The following FBN2 variants were observed in gnomAD, a reference collection of about 807,000 sequenced individuals.
FBN2 encodes fibrillin 2, also known as fibrillin-2.
A neutral mutation model predicts 355.6 loss-of-function variants in FBN2; 105 were observed. That is an observed-to-expected ratio of 0.30 (90% confidence interval 0.25 to 0.35). The LOEUF is 0.35. Among genes scored for constraint, FBN2 ranks in the 10% least tolerant of loss-of-function variants. FBN2 has a pLI of 1.00. For missense variants in FBN2, 3,280 were observed against 3,758.7 expected (o/e 0.87, Z 3.33); for synonymous variants, 1,350 against 1,301.2 (o/e 1.04, Z -0.81).
intron 5 of FBN2, among the ~76,000 whole-genome samples, chr5:128,480,635 G>A (rs1048134356): frequency 2.6e-5 from 4 of 152,092 alleles, no homozygotes; most frequent in Admixed American, 6.5e-5. Flanking sequence ...GCTTGAACCC[G>A]GGAGGCAGAG....
chr5:128,315,414 T>C (rs1750175321), intron 36 of FBN2, among the ~76,000 whole-genome samples: 1 of 152,178 alleles, frequency 6.6e-6, no homozygotes. Context: ...CAAACACATC[T>C]CTAATAGGTT....
intron 56 of FBN2, among the ~76,000 whole-genome samples, chr5:128,279,926 C>G (rs1319509062): frequency 6.6e-6 from 1 of 152,086 alleles, no homozygotes; most frequent in African/African-American, 2.4e-5. Context: ...TTTACTAAAG[C>G]CAAATTTTCC....
chr5:128,343,405 T>G (rs1751083194), intron 25 of FBN2, among the ~76,000 whole-genome samples: 1 of 152,058 alleles, frequency 6.6e-6, no homozygotes, highest in Non-Finnish European at 1.5e-5. Flanking sequence ...GATGGACAGC[T>G]GTGAAAAGCT....
intron 11 of FBN2, among the ~76,000 whole-genome samples, chr5:128,380,154 T>G (rs1484156941): frequency 6.6e-6 from 1 of 152,102 alleles, no homozygotes; most frequent in Non-Finnish European, 1.5e-5. Flanking sequence ...CATTTAAAGT[T>G]TTAGTTGATA....
intron 56 of FBN2, 29 bp from the exon 57 acceptor site, chr5:128,278,870 G>C: frequency 6.4e-7 from 1 of 1,563,302 alleles, no homozygotes; most frequent in Non-Finnish European, 8.8e-7. Context: ...AAGAGTTAAG[G>C]ATGCGGAACT....
At chr5:128,442,473 T>C (rs1753948298) in intron 7 of FBN2, 1 of 351,304 alleles carries the variant, frequency 2.8e-6, no homozygotes, top group Admixed American at 3.8e-5. Context: ...CCTTCCCTTC[T>C]TCATTTAAAT....
chr5:128,315,890 T>C (rs1750187957), intron 36 of FBN2, among the ~76,000 whole-genome samples: 2 of 152,222 alleles, frequency 1.3e-5, no homozygotes, highest in East Asian at 1.9e-4. Flanking sequence ...TTTGAAAACA[T>C]TCACCTAGGA....
Position 128,537,648 on chromosome 5 carries a change from T to A in FBN2, c.-45A>T. On this transcript the variant is annotated 5_prime_UTR_variant, in exon 1 of 65. Transcript: ENST00000262464. ...CGGCCGTAGACCCGCGGAGAGGGAG[T>A]GATCAAAGACAAAATCTGCGCGCCT... 6.3e-7 allele frequency: 1 copy of A among 1,581,440 alleles called. No homozygotes were observed. The highest frequency in any genetic ancestry group is 8.6e-7 in the Non-Finnish European group (1 of 1,160,788).
intron 6 of FBN2, among the ~76,000 whole-genome samples, chr5:128,451,489 T>C (rs917295163): frequency 2.0e-5 from 3 of 152,066 alleles, no homozygotes; most frequent in Non-Finnish European, 4.4e-5. Context: ...AACCTCCACC[T>C]CCTGGGTTCA....
chr5:128,435,018 T>G (rs1302448287), intron 7 of FBN2, among the ~76,000 whole-genome samples: 12 of 152,286 alleles, frequency 7.9e-5, no homozygotes, highest in East Asian at 5.8e-4. Flanking sequence ...TGCTTTTTTT[T>G]CATAATTTTA....
chr5:128,401,617 C>T (rs1344349776), intron 8 of FBN2, among the ~76,000 whole-genome samples: 1 of 152,060 alleles, frequency 6.6e-6, no homozygotes, highest in Non-Finnish European at 1.5e-5. Context: ...CCCATCTCTA[C>T]TAAAATACAA....
At chr5:128,391,699 T>G (rs1446756102) in intron 11 of FBN2, among the ~76,000 whole-genome samples, 1 of 152,194 alleles carries the variant, frequency 6.6e-6, no homozygotes, top group Non-Finnish European at 1.5e-5. Context: ...GAATTGTTTT[T>G]AAAATATATT....
At chr5:128,383,835 T>C (rs1005752583) in intron 11 of FBN2, among the ~76,000 whole-genome samples, 8 of 152,130 alleles carry the variant, frequency 5.3e-5, no homozygotes, top group African/African-American at 1.9e-4. Context: ...ATGGAGTAAC[T>C]GATACTCTCA....
Position 128,323,686 on chromosome 5 carries a change from G to A in FBN2, c.4472-4685C>T, listed in dbSNP as rs150303451. ...AGCTCTTTGATGTGCTGCTGGATTC[G>A]GTTTGCCAGTATTTTATTGAGAATC... On this transcript the variant is annotated intron_variant, in intron 34 of 64. Transcript: ENST00000262464. 9.8e-4 allele frequency among the ~76,000 whole-genome samples: 149 copies of A among 152,246 alleles called. 1 individual carries two copies. The highest frequency in any genetic ancestry group is 5.8e-3 in the East Asian group (30 of 5,182).
rs1754145631 is a variant in FBN2 at position 128,448,830 on chromosome 5, TGGAATTGTC to T, written c.827-2233_827-2225del. On this transcript the variant is annotated intron_variant, in intron 6 of 64. Coordinates refer to ENST00000262464, the MANE Select transcript of FBN2 (RefSeq NM_001999.4). ...TTGAACACTCTTATATTGGAATTGT[TGGAATTGTC>T]GTCCTCTTACTCTAAATTTAAAATT... Among the ~76,000 whole-genome samples the T allele has an allele frequency of 2.6e-5, 4 of 152,140 alleles. No homozygotes were observed. In the South Asian group the frequency reaches 8.3e-4, roughly 32 times the overall value.
intron 48 of FBN2, among the ~76,000 whole-genome samples, chr5:128,292,209 C>T (rs962598509): frequency 6.6e-6 from 1 of 152,122 alleles, no homozygotes; most frequent in Admixed American, 6.5e-5. Flanking sequence ...CTTTCTAAAA[C>T]GTCCATCTGA....
rs898260433 is a variant in FBN2, at chr5:128,500,458, T to C, written c.628+18815A>G. ...TTTTTTTTTTTTTTTTTTTTTTTTT[T>C]TTCAGACAGGGTCTCGCTCTTCCAC... is the stretch of plus-strand genomic sequence containing the variant. On this transcript the variant is annotated intron_variant, in intron 5 of 64. Coordinates refer to ENST00000262464, the MANE Select transcript of FBN2 (RefSeq NM_001999.4). Among the ~76,000 whole-genome samples the C allele has an allele frequency of 6.1e-5, 7 of 114,852 alleles. No homozygotes were observed. The South Asian group carries it at 1.2e-3, about 19-fold the overall frequency. The allele number at this position is 114,852 out of a possible 152,430, so 75.3% of individuals were successfully genotyped here. A position where few individuals can be genotyped will look rare whatever the true frequency, so the allele number is the denominator to read the frequency against.
intron 19 of FBN2, 85 bp downstream of exon 19, chr5:128,361,638 C>A (rs1302874140): frequency 6.9e-7 from 1 of 1,455,782 alleles, no homozygotes; most frequent in Non-Finnish European, 9.6e-7. Context: ...ATTCTTTTCA[C>A]TACATTGCTT....
chr5:128,456,657 A>G (rs1754403727), intron 6 of FBN2, among the ~76,000 whole-genome samples: 1 of 152,070 alleles, frequency 6.6e-6, no homozygotes, highest in Non-Finnish European at 1.5e-5. Flanking sequence ...TCAGATGAAT[A>G]AGGCCTGAAG....
Sources: allele counts gnomAD v4.1 joint callset (sites outside exome capture counted in the v4.1 genomes callset), GRCh38; gene constraint gnomAD v4.1.1; transcripts MANE v1.5; gene names NCBI Gene and HGNC (gene_info 2026-07-23, HGNC 2026-07-21).